Variants in PDGFD observed in about 807,000 individuals in gnomAD.
The protein encoded by PDGFD is platelet-derived growth factor D.
Under a neutral mutation model 44.7 loss-of-function variants are expected in PDGFD, and 30 were observed. The ratio of observed to expected loss-of-function variants is 0.67; its 90% CI spans 0.50 to 0.91. PDGFD has a LOEUF of 0.91. PDGFD is among the 40% of genes least tolerant of loss of function. PDGFD has a pLI of 0.00. For missense variants in PDGFD, 445 were observed against 457.8 expected (o/e 0.97, Z 0.25); for synonymous variants, 173 against 168.4 (o/e 1.03, Z -0.21).
intron 1 of PDGFD, among the ~76,000 whole-genome samples, chr11:104,158,833 A>G (rs1246342844): frequency 6.6e-6 from 1 of 151,366 alleles, no homozygotes; most frequent in African/African-American, 2.4e-5. Context: ...TAATAGTTAT[A>G]GCAGGGGTTA....
At chr11:103,972,390 G>C (rs1441025451) in intron 3 of PDGFD, among the ~76,000 whole-genome samples, 2 of 152,164 alleles carry the variant, frequency 1.3e-5, no homozygotes, top group African/African-American at 4.8e-5. Flanking sequence ...CACTGCTAGA[G>C]CAAGGTGGCA....
intron 5 of PDGFD, among the ~76,000 whole-genome samples, chr11:103,937,593 T>C (rs1409754382): frequency 6.6e-6 from 1 of 152,182 alleles, no homozygotes; most frequent in Non-Finnish European, 1.5e-5. Flanking sequence ...AGAGTACATA[T>C]GCACAATGTG....
chr11:104,108,816 G>A (rs183878513), intron 1 of PDGFD, among the ~76,000 whole-genome samples: 8 of 152,202 alleles, frequency 5.3e-5, no homozygotes, highest in South Asian at 4.1e-4. Context: ...GTCCATCGAC[G>A]ATAGACTGGA....
intron 5 of PDGFD, among the ~76,000 whole-genome samples, chr11:103,937,029 T>A (rs1204752803): frequency 6.6e-5 from 10 of 152,080 alleles, no homozygotes; most frequent in African/African-American, 2.4e-4. Context: ...TCTCACCATG[T>A]TGCCCAGGCT....
At chr11:104,163,767 T>C in intron 1 of PDGFD, 37 bp downstream of exon 1, 3 of 1,469,660 alleles carry the variant, frequency 2.0e-6, no homozygotes, top group Non-Finnish European at 2.7e-6. Flanking sequence ...GCAAACATGA[T>C]TTTTTTTTCA....
intron 1 of PDGFD, among the ~76,000 whole-genome samples, chr11:104,132,787 T>G (rs1861942731): frequency 1.3e-5 from 2 of 152,134 alleles, no homozygotes; most frequent in African/African-American, 4.8e-5. Flanking sequence ...AGTTGATTTT[T>G]CAAAATAAAT....
At chr11:103,973,284 G>A (rs896578815) in intron 3 of PDGFD, among the ~76,000 whole-genome samples, 4 of 150,008 alleles carry the variant, frequency 2.7e-5, no homozygotes, top group Admixed American at 1.3e-4. Flanking sequence ...GACCACAGGC[G>A]CCTGCCACCA....
intron 1 of PDGFD, among the ~76,000 whole-genome samples, chr11:104,049,189 A>G (rs1860487768): frequency 6.6e-6 from 1 of 152,214 alleles, no homozygotes; most frequent in African/African-American, 2.4e-5. Flanking sequence ...GTTCAGGAAC[A>G]TGGGGCAATG....
chr11:104,159,450 C>T (rs1056746620), intron 1 of PDGFD, among the ~76,000 whole-genome samples: 2 of 152,174 alleles, frequency 1.3e-5, no homozygotes, highest in African/African-American at 4.8e-5. Flanking sequence ...TGCCTTTTTA[C>T]ACTAACCTGA....
intron 1 of PDGFD, among the ~76,000 whole-genome samples, chr11:104,089,664 G>A (rs1256753385): frequency 3.3e-5 from 5 of 152,148 alleles, no homozygotes; most frequent in Non-Finnish European, 1.5e-5. Context: ...GAGGAAGTGA[G>A]TATTGCCAAG....
At chr11:104,037,120 G>A (rs1310147598) in intron 1 of PDGFD, 1 of 1,613,924 alleles carries the variant, frequency 6.2e-7, no homozygotes, top group South Asian at 1.1e-5. Context: ...CAGTGGCATT[G>A]CGGTGCCTGG....
intron 1 of PDGFD, among the ~76,000 whole-genome samples, chr11:104,090,993 C>T (rs1404139036): frequency 2.0e-5 from 3 of 152,122 alleles, no homozygotes; most frequent in Non-Finnish European, 4.4e-5. Flanking sequence ...AAAGCCCCCC[C>T]ATGCAAACTA....
At chr11:104,089,442 A>C (rs361282) in intron 1 of PDGFD, among the ~76,000 whole-genome samples, 110,143 of 152,036 alleles carry the variant, frequency 0.72, 40,171 homozygotes, top group East Asian at 0.98. Flanking sequence ...CTATTTACAA[A>C]GGATTACACT....
intron 1 of PDGFD, among the ~76,000 whole-genome samples, chr11:104,088,829 T>C (rs1364091184): frequency 6.6e-6 from 1 of 152,092 alleles, no homozygotes; most frequent in South Asian, 2.1e-4. Flanking sequence ...TAGAACTCAC[T>C]GATCCAAAAT....
chr11:104,058,364 G>C (rs1356456532), intron 1 of PDGFD, among the ~76,000 whole-genome samples: 3 of 152,140 alleles, frequency 2.0e-5, no homozygotes, highest in Non-Finnish European at 2.9e-5. Context: ...CTGAAGAAGA[G>C]GTTTGAATGG....
At chr11:103,962,888 A>G (rs535426638) in intron 3 of PDGFD, among the ~76,000 whole-genome samples, 1 of 152,062 alleles carries the variant, frequency 6.6e-6, no homozygotes, top group Non-Finnish European at 1.5e-5. Flanking sequence ...CTAACATATT[A>G]TTTTTTTTAT....
At chr11:104,090,076 AG>A (rs752636137) in intron 1 of PDGFD, among the ~76,000 whole-genome samples, 3 of 152,198 alleles carry the variant, frequency 2.0e-5, no homozygotes, top group Non-Finnish European at 4.4e-5. Flanking sequence ...GAGTGATTAC[AG>A]TGACCTCTCT....
At chr11:104,046,683 TA>T (rs1860446076) in intron 1 of PDGFD, among the ~76,000 whole-genome samples, 1 of 147,428 alleles carries the variant, frequency 6.8e-6, no homozygotes, top group Non-Finnish European at 1.5e-5. Flanking sequence ...TTAAGTTGTA[TA>T]AAAAATACAA....
chr11:104,090,875 T>C (rs1861203058), intron 1 of PDGFD, among the ~76,000 whole-genome samples: 1 of 152,094 alleles, frequency 6.6e-6, no homozygotes, highest in African/African-American at 2.4e-5. Flanking sequence ...CTGGGTCTTT[T>C]CCAGGAGAAG....
Sources: allele counts gnomAD v4.1 joint callset (sites outside exome capture counted in the v4.1 genomes callset), GRCh38; gene constraint gnomAD v4.1.1; transcripts MANE v1.5; gene names NCBI Gene and HGNC (gene_info 2026-07-23, HGNC 2026-07-21).